The following CDH4 variants were observed in gnomAD, a reference collection of about 807,000 sequenced individuals.
CDH4 encodes cadherin 4.
Under a neutral mutation model 86.0 loss-of-function variants are expected in CDH4, and 33 were observed. The observed-to-expected ratio is 0.38, with a 90% CI of 0.29 to 0.51. The LOEUF is 0.51. CDH4 is among the 20% of genes least tolerant of loss of function. The probability of loss-of-function intolerance (pLI) is 0.86; values close to 1 mark genes in which losing one functional copy is unlikely to be tolerated. For synonymous variants in CDH4, 555 were observed against 549.4 expected, an observed-to-expected ratio of 1.01 and a Z score of -0.14; for missense variants, 1,114 against 1,307.4, an observed-to-expected ratio of 0.85 and a Z score of 2.28.
intron 8 of CDH4, among the ~76,000 whole-genome samples, chr20:61,907,781 C>T (rs916279090): frequency 2.6e-5 from 4 of 152,310 alleles, no homozygotes; most frequent in East Asian, 3.9e-4. Flanking sequence ...TGGGAGATTC[C>T]GTCCCACACT....
At position 61,327,882 on chromosome 20, in the gene CDH4, G is replaced by A. The variant is rs564595812; in HGVS notation, c.169+72945G>A. On this transcript the variant is annotated intron_variant, in intron 2 of 15. Coordinates refer to ENST00000614565, the MANE Select transcript of CDH4 (RefSeq NM_001794.5). The stretch of plus-strand genomic sequence containing the variant: ...GCATCCACAGAACAGGACACCAGAC[G>A]GCTTGCGTAAAGGATCAGGTGTAGT... 1.4e-4 allele frequency among the ~76,000 whole-genome samples: 21 copies of A among 152,290 alleles called. No homozygotes were observed. In the East Asian group the frequency reaches 2.9e-3, roughly 21 times the overall value.
At chr20:61,653,348 A>G (rs962837324) in intron 2 of CDH4, among the ~76,000 whole-genome samples, 2 of 137,698 alleles carry the variant, frequency 1.5e-5, no homozygotes, top group Non-Finnish European at 1.6e-5. Flanking sequence ...TTCTACACAG[A>G]CACGGCAACC....
chr20:61,755,368 C>CCA (rs35461836), intron 3 of CDH4, among the ~76,000 whole-genome samples: 3,551 of 144,728 alleles, frequency 0.025, 63 homozygotes, highest in African/African-American at 0.043. Context: ...GCCACACACA[C>CCA]CACACACACA....
At chr20:61,494,939 C>T (rs1196201846) in intron 2 of CDH4, among the ~76,000 whole-genome samples, 1 of 152,222 alleles carries the variant, frequency 6.6e-6, no homozygotes, top group Non-Finnish European at 1.5e-5. Flanking sequence ...TTGGCGTGGG[C>T]CCTCCGCCAG....
intron 4 of CDH4, among the ~76,000 whole-genome samples, chr20:61,834,709 G>A (rs1292275121): frequency 1.5e-5 from 2 of 133,036 alleles, no homozygotes; most frequent in Non-Finnish European, 1.8e-5. Context: ...GACACTTGGC[G>A]CTGCCTATCC....
chr20:61,504,464 C>T (rs1568868320), intron 2 of CDH4, among the ~76,000 whole-genome samples: 1 of 152,126 alleles, frequency 6.6e-6, no homozygotes, highest in Non-Finnish European at 1.5e-5. Context: ...TGGGCCTTCT[C>T]TTCCTTTAAC....
chr20:61,304,775 TTG>T (rs58835182), intron 2 of CDH4, among the ~76,000 whole-genome samples: 26,457 of 151,250 alleles, frequency 0.17, 2,390 homozygotes, highest in African/African-American at 0.21. Context: ...GTGTGTGGGG[TTG>T]TGTGTGTGTG....
chr20:61,674,605 C>G lies in CDH4; in HGVS notation c.170-68958C>G, dbSNP rs546007677. Among the ~76,000 whole-genome samples, 31 of 152,276 alleles carry G rather than the reference C, an allele frequency of 2.0e-4. No individual in the cohort carries two copies. The South Asian group carries it at 4.6e-3, about 22-fold the overall frequency. On this transcript the variant is annotated intron_variant, in intron 2 of 15. Coordinates refer to ENST00000614565, the MANE Select transcript of CDH4 (RefSeq NM_001794.5). Reference sequence around the variant, plus strand: ...TTCTGTATTCTTAAATTTTCAGGAGCCACATTCAAAAAAGTAAAACAGGCA... The same window carrying G: ...TTCTGTATTCTTAAATTTTCAGGAGGCACATTCAAAAAAGTAAAACAGGCA...
Position 61,341,792 on chromosome 20 carries a change from C to T in CDH4, c.169+86855C>T, listed in dbSNP as rs1046039607. 7.2e-5 allele frequency among the ~76,000 whole-genome samples: 11 copies of T among 152,276 alleles called. No homozygotes were observed. In the East Asian group the frequency reaches 2.1e-3, roughly 29 times the overall value. Reference sequence around the variant, plus strand: ...GACCATTTTCAGCACAGGGCATCTTCAGAGTGCAATGGAGAAGCTTGGAGA... The same window carrying T: ...GACCATTTTCAGCACAGGGCATCTTTAGAGTGCAATGGAGAAGCTTGGAGA... On this transcript the variant is annotated intron_variant, in intron 2 of 15. Transcript: ENST00000614565.
chr20:61,884,285 G>A (rs1217511805), intron 7 of CDH4, among the ~76,000 whole-genome samples: 2 of 152,298 alleles, frequency 1.3e-5, no homozygotes, highest in African/African-American at 4.8e-5. Context: ...CACTGTCCTG[G>A]CTGTGCAAAG....
chr20:61,312,991 T>C (rs2427069), intron 2 of CDH4, among the ~76,000 whole-genome samples: 18,718 of 152,164 alleles, frequency 0.12, 1,233 homozygotes, highest in East Asian at 0.25. Context: ...CCTGGGGGTC[T>C]CACTCCTGTG....
intron 2 of CDH4, among the ~76,000 whole-genome samples, chr20:61,702,902 T>C (rs1231757151): frequency 6.6e-6 from 1 of 152,238 alleles, no homozygotes; most frequent in East Asian, 1.9e-4. Context: ...GCCTGGTGTG[T>C]GACAACCCGC....
chr20:61,758,462 C>T (rs981359807), intron 3 of CDH4, among the ~76,000 whole-genome samples: 1 of 152,152 alleles, frequency 6.6e-6, no homozygotes, highest in Non-Finnish European at 1.5e-5. Context: ...CTGACGCAAT[C>T]GGAGGCTCAA....
At chr20:61,554,736 T>C (rs1243648225) in intron 2 of CDH4, among the ~76,000 whole-genome samples, 2 of 152,268 alleles carry the variant, frequency 1.3e-5, no homozygotes, top group African/African-American at 4.8e-5. Flanking sequence ...TACACACATG[T>C]ACATGTACAT....
intron 6 of CDH4, among the ~76,000 whole-genome samples, chr20:61,862,847 G>A (rs532660812): frequency 6.7e-4 from 102 of 152,294 alleles, no homozygotes; most frequent in Non-Finnish European, 1.3e-3. Context: ...TTAAAAAGCA[G>A]GGAAATCTGC....
At position 61,703,014 on chromosome 20, in the gene CDH4, A is replaced by T. The variant is rs758746438; in HGVS notation, c.170-40549A>T. ...AGACTTCCTCAACAAGCCTTTCTTC[A>T]TCTCACTCTGCGTGCCGTGGTCAGT... On this transcript the variant is annotated intron_variant, in intron 2 of 15. Transcript: ENST00000614565. This position sits in a 1 kb window ranked among gnomAD's most constrained non-coding sequence, Gnocchi z 4.3. Among the ~76,000 whole-genome samples the T allele has an allele frequency of 1.3e-5, 2 of 152,134 alleles. No homozygotes were observed. Among genetic ancestry groups the T allele is most frequent in the Non-Finnish European group, 2.9e-5 (2 of 68,024 alleles).
rs77667420 is a variant in CDH4, at chr20:61,281,293, G to A, written c.169+26356G>A. ...AGCAGGTGGGGCTGTGGGGAGGTGAGTAGGTCACGAAGGTGCACCCCTCAT... is the reference window on the plus strand; with the variant it reads ...AGCAGGTGGGGCTGTGGGGAGGTGAATAGGTCACGAAGGTGCACCCCTCAT... On this transcript the variant is annotated intron_variant, in intron 2 of 15. Coordinates refer to ENST00000614565, the MANE Select transcript of CDH4 (RefSeq NM_001794.5). Among the ~76,000 whole-genome samples the A allele has an allele frequency of 9.9e-3, 1,509 of 152,274 alleles. 44 individuals carry two copies. The highest frequency in any genetic ancestry group is 0.057 in the Admixed American group (879 of 15,298).
Position 61,873,920 on chromosome 20 carries a change from G to A in CDH4, c.1050+20G>A. Reference sequence around the variant, plus strand: ...CGAGAGGTGAGGCGGGGTGGGGTCTGCGTGCAGGCGGGTGAGCTCCTGGTC... The same window carrying A: ...CGAGAGGTGAGGCGGGGTGGGGTCTACGTGCAGGCGGGTGAGCTCCTGGTC... On this transcript the variant is annotated intron_variant, in intron 7 of 15. Coordinates refer to ENST00000614565, the MANE Select transcript of CDH4 (RefSeq NM_001794.5). The A allele has an allele frequency of 6.2e-7, 1 of 1,610,252 alleles. No individual in the cohort carries two copies. Among genetic ancestry groups the A allele is most frequent in the Admixed American group, 1.7e-5 (1 of 59,890 alleles).
intron 4 of CDH4, among the ~76,000 whole-genome samples, chr20:61,798,802 G>A (rs1169054457): frequency 6.6e-6 from 1 of 152,212 alleles, no homozygotes; most frequent in African/African-American, 2.4e-5. Context: ...TGGCAGGATG[G>A]CGGCTGTGTG....
Sources: gnomAD v4.1 joint callset for allele counts (sites outside exome capture counted in the v4.1 genomes callset) on GRCh38, gnomAD v4.1.1 for gene constraint, Gnocchi (gnomAD v3.1) non-coding constraint, MANE v1.5 for transcripts, NCBI Gene and HGNC (gene_info 2026-07-23, HGNC 2026-07-21) for gene names.